The following PALS1 variants were observed in gnomAD, a reference collection of about 807,000 sequenced individuals.
The protein encoded by PALS1 is protein associated with LIN7 1, MAGUK p55 family member, also known as protein PALS1.
In PALS1, 31 loss-of-function variants were observed where a neutral mutation model predicts 78.9. The observed-to-expected ratio is 0.39, with a 90% CI of 0.30 to 0.53. PALS1 has a LOEUF of 0.53. Among genes scored for constraint, PALS1 ranks in the 20% least tolerant of loss-of-function variants. The pLI is 0.67. For synonymous variants in PALS1, 276 were observed against 270.9 expected, an observed-to-expected ratio of 1.02 and a Z score of -0.18; for missense variants, 704 against 826.5, an observed-to-expected ratio of 0.85 and a Z score of 1.82.
intron 1 of PALS1, among the ~76,000 whole-genome samples, chr14:67,261,274 G>T (rs1026458409): frequency 6.6e-6 from 1 of 152,102 alleles, no homozygotes; most frequent in Admixed American, 6.6e-5. Flanking sequence ...GAAAAGACAG[G>T]TTGGAGAGAA....
intron 11 of PALS1, among the ~76,000 whole-genome samples, chr14:67,317,990 G>C (rs981374739): frequency 6.6e-6 from 1 of 152,220 alleles, no homozygotes; most frequent in African/African-American, 2.4e-5. Flanking sequence ...CTGGACCTGA[G>C]TGATGACTGT....
chr14:67,257,195 C>T (rs1244280375), intron 1 of PALS1, among the ~76,000 whole-genome samples: 2 of 152,136 alleles, frequency 1.3e-5, no homozygotes, highest in Admixed American at 6.5e-5. Context: ...ACTGAATACA[C>T]GGTTTAGTCT....
chr14:67,249,545 T>G (rs1394520448), intron 1 of PALS1, among the ~76,000 whole-genome samples: 1 of 152,224 alleles, frequency 6.6e-6, no homozygotes, highest in African/African-American at 2.4e-5. Flanking sequence ...AACCAACAGA[T>G]GTGAAATAAT....
Position 67,333,184 on chromosome 14 carries a change from G to T in PALS1, c.*228G>T. On this transcript the variant is annotated 3_prime_UTR_variant, in exon 15 of 15. Coordinates refer to ENST00000261681, the MANE Select transcript of PALS1 (RefSeq NM_022474.4). ...CTTTAGCGGTTCTTGCCTCATTTTGGGATTCTAAATGGAAGCTTTCAACAG... is the reference window on the plus strand; with the variant it reads ...CTTTAGCGGTTCTTGCCTCATTTTGTGATTCTAAATGGAAGCTTTCAACAG... The T allele has an allele frequency of 2.7e-6, 1 of 373,256 alleles. No individual in the cohort carries two copies. Among genetic ancestry groups the T allele is most frequent in the Non-Finnish European group, 4.8e-6 (1 of 208,070 alleles). The allele number at this position is 373,256 out of a possible 1,614,324, so 23.1% of individuals were successfully genotyped here.
chr14:67,255,570 CTTATT>C (rs1456317611), intron 1 of PALS1, among the ~76,000 whole-genome samples: 2 of 152,150 alleles, frequency 1.3e-5, no homozygotes, highest in African/African-American at 2.4e-5. Flanking sequence ...TTTAGAAATT[CTTATT>C]TTATTGTTGC....
In PALS1 at chr14:67,323,785, A is replaced by T; in HGVS notation, c.1824A>T (p.Leu608Phe). Residue 608 changes from leucine (L) to phenylalanine (F), a missense_variant, in exon 14 of 15, where the codon TTA becomes TTT. Coordinates refer to ENST00000261681, the MANE Select transcript of PALS1 (RefSeq NM_022474.4). ...CTTCACAAGAAAGACTTCGGGCATT[A>T]TTGGCCAAAGAAGGCAAGAATCCAA... is the stretch of plus-strand genomic sequence containing the variant. ...APPSQERLRALLAKEGKNPKP... is the reference protein window; with the variant it reads ...APPSQERLRAFLAKEGKNPKP... 1 of 1,590,650 alleles carries T rather than the reference A, an allele frequency of 6.3e-7. No homozygotes were observed. The highest frequency in any genetic ancestry group is 8.6e-7 in the Non-Finnish European group (1 of 1,168,450).
intron 1 of PALS1, among the ~76,000 whole-genome samples, chr14:67,249,286 A>G (rs1043394300): frequency 6.6e-6 from 1 of 152,192 alleles, no homozygotes; most frequent in Non-Finnish European, 1.5e-5. Context: ...TAAGGCAAAA[A>G]ATCAGCAGGA....
intron 4 of PALS1, among the ~76,000 whole-genome samples, chr14:67,293,516 G>A (rs1210188088): frequency 3.9e-5 from 6 of 152,134 alleles, no homozygotes; most frequent in Non-Finnish European, 8.8e-5. Flanking sequence ...GTACTTTGTA[G>A]ATTAGCACAT....
At chr14:67,272,872 T>G (rs1193145058) in intron 2 of PALS1, among the ~76,000 whole-genome samples, 1 of 152,164 alleles carries the variant, frequency 6.6e-6, no homozygotes, top group Non-Finnish European at 1.5e-5. Context: ...TATCACCATA[T>G]TGCCCAGGCT....
rs1433122488 is a variant in PALS1 at position 67,321,371 on chromosome 14, T to C, written c.1740+112T>C. ...ACAGCGCGACCTAATTAAGTTCTCA[T>C]ACGGTTTTTCCCACTGATTTGCTAT... is the stretch of plus-strand genomic sequence containing the variant. On this transcript the variant is annotated intron_variant, in intron 13 of 14. Coordinates refer to ENST00000261681, the MANE Select transcript of PALS1 (RefSeq NM_022474.4). The C allele has an allele frequency of 1.8e-5, 18 of 980,228 alleles. No individual in the cohort carries two copies. In the East Asian group the frequency reaches 3.9e-4, roughly 21 times the overall value. 60.7% of individuals were successfully genotyped at this position (980,228 alleles called of 1,614,324 possible). A position where few individuals can be genotyped will look rare whatever the true frequency, so the allele number is the denominator to read the frequency against.
chr14:67,257,655 A>G (rs1345076938), intron 1 of PALS1, among the ~76,000 whole-genome samples: 1 of 151,846 alleles, frequency 6.6e-6, no homozygotes. Flanking sequence ...TATTTTATAT[A>G]TGTATATATG....
Position 67,292,495 on chromosome 14 carries a change from TTTC to T in PALS1, c.368-8_368-6del, listed in dbSNP as rs750204701. 34 of 1,555,186 alleles carry T rather than the reference TTTC, an allele frequency of 2.2e-5. No individual in the cohort carries two copies. The African/African-American group carries it at 2.6e-4, about 12-fold the overall frequency. ...TGAAACAGTTAATTTTTGGATACCTTTTCTTCTTCTACTAGAAATAGAAGACTT... is the reference window on the plus strand; with the variant it reads ...TGAAACAGTTAATTTTTGGATACCTTTTCTTCTACTAGAAATAGAAGACTT... On this transcript the variant is annotated splice_polypyrimidine_tract_variant and intron_variant, in intron 3 of 14. Coordinates refer to ENST00000261681, the MANE Select transcript of PALS1 (RefSeq NM_022474.4).
intron 3 of PALS1, among the ~76,000 whole-genome samples, chr14:67,292,251 T>C (rs1479906556): frequency 1.3e-5 from 2 of 152,202 alleles, no homozygotes; most frequent in South Asian, 4.1e-4. Flanking sequence ...ATTCCTCCCC[T>C]CACTTGTTTT....
intron 1 of PALS1, among the ~76,000 whole-genome samples, chr14:67,253,275 C>A (rs190567431): frequency 7.9e-5 from 12 of 152,218 alleles, no homozygotes; most frequent in Admixed American, 2.6e-4. Context: ...AGCACTCTTT[C>A]AATGTTAGAT....
At position 67,303,606 on chromosome 14, in the gene PALS1, G is replaced by A; in HGVS notation, c.1041+7G>A. ...TCCTGCCAAGGAAACAGTAGTAAGTGATTTTTAAATGTTCATTATTTATGT... is the reference window on the plus strand; with the variant it reads ...TCCTGCCAAGGAAACAGTAGTAAGTAATTTTTAAATGTTCATTATTTATGT... On this transcript the variant is annotated splice_region_variant and intron_variant, in intron 8 of 14. Coordinates refer to ENST00000261681, the MANE Select transcript of PALS1 (RefSeq NM_022474.4). The A allele has an allele frequency of 3.7e-6, 6 of 1,604,094 alleles. No homozygotes were observed. Among genetic ancestry groups the A allele is most frequent in the Non-Finnish European group, 5.1e-6 (6 of 1,171,080 alleles).
chr14:67,290,630 TCAAG>T (rs1249751312), intron 3 of PALS1, among the ~76,000 whole-genome samples: 1 of 152,148 alleles, frequency 6.6e-6, no homozygotes, highest in African/African-American at 2.4e-5. Context: ...ACTGCTGAGC[TCAAG>T]CAATCTGTTC....
intron 13 of PALS1, among the ~76,000 whole-genome samples, chr14:67,322,146 G>A (rs1032738137): frequency 5.3e-5 from 8 of 152,034 alleles, no homozygotes; most frequent in African/African-American, 1.9e-4. Flanking sequence ...AGGAGTTCCA[G>A]ACCAGCCTGG....
Position 67,282,275 on chromosome 14 carries a change from C to T in PALS1, c.367+2738C>T, listed in dbSNP as rs562184797. ...TACTCCCTGAACATTGTGTGTGTCT[C>T]CTGGCTAGTATTTGATTAATACCCA... On this transcript the variant is annotated intron_variant, in intron 3 of 14. Transcript: ENST00000261681. Among the ~76,000 whole-genome samples, 6 of 152,230 alleles carry T rather than the reference C, an allele frequency of 3.9e-5. No individual in the cohort carries two copies. The South Asian group carries it at 1.2e-3, about 32-fold the overall frequency.
intron 3 of PALS1, among the ~76,000 whole-genome samples, chr14:67,290,164 A>G (rs1342271005): frequency 2.6e-5 from 4 of 152,140 alleles, no homozygotes; most frequent in Non-Finnish European, 5.9e-5. Context: ...ATTTTAGTCA[A>G]AATCTCAATA....
Sources: gnomAD v4.1 joint callset for allele counts (sites outside exome capture counted in the v4.1 genomes callset) on GRCh38, gnomAD v4.1.1 for gene constraint, MANE v1.5 for transcripts, NCBI Gene and HGNC (gene_info 2026-07-23, HGNC 2026-07-21) for gene names.